RPH3A: variants seen among roughly 807,000 people sequenced by gnomAD.
RPH3A encodes rabphilin-3A.
RPH3A carries 48 observed loss-of-function variants against 102.2 expected under a neutral mutation model. That is an observed-to-expected ratio of 0.47 (90% CI 0.37 to 0.60). RPH3A has a LOEUF of 0.60. Ranked by LOEUF, RPH3A falls within the 20% of genes least tolerant of loss-of-function variation. The pLI is 0.00. For missense variants in RPH3A, 781 were observed against 910.1 expected, an observed-to-expected ratio of 0.86 and a Z score of 1.83; for synonymous variants, 310 against 324.3, an observed-to-expected ratio of 0.96 and a Z score of 0.47.
chr12:112,791,185 G>C (rs1214038700), upstream of RPH3A: 1 of 152,142 alleles, frequency 6.6e-6, no homozygotes, highest in Non-Finnish European at 1.5e-5. Flanking sequence ...CCAGGTACAG[G>C]TCAAAAATCT....
chr12:112,737,348 G>A lies in RPH3A; in HGVS notation c.-139-54795G>A, dbSNP rs150734046. Among the ~76,000 whole-genome samples the A allele has an allele frequency of 8.9e-4, 136 of 152,040 alleles. 1 individual carries two copies. Among genetic ancestry groups the A allele is most frequent in the African/African-American group, 3.2e-3 (132 of 41,474 alleles). Reference sequence around the variant, plus strand: ...GCCTCAGTTTCCCCACTTGTAAAATGGGGATAATAATATGTACCTTATAGG... The same window carrying A: ...GCCTCAGTTTCCCCACTTGTAAAATAGGGATAATAATATGTACCTTATAGG... On this transcript the variant is annotated intron_variant, in intron 1 of 21. Transcript: ENST00000543106.
chr12:112,861,367 G>A (rs1156584312), intron 5 of RPH3A, among the ~76,000 whole-genome samples: 1 of 152,204 alleles, frequency 6.6e-6, no homozygotes, highest in Non-Finnish European at 1.5e-5. Flanking sequence ...GCAGTGAGAG[G>A]TAGATGGGCT....
At position 112,833,770 on chromosome 12, in the gene RPH3A, C is replaced by T. The variant is rs578103088; in HGVS notation, c.72-2721C>T. ...TTAAAGACAGTGTCTCACTGTGTCA[C>T]ATAGGCCGGAGTGCAATAGCACAAC... On this transcript the variant is annotated intron_variant, in intron 3 of 21. Transcript: ENST00000389385. Among the ~76,000 whole-genome samples, 17 of 150,640 alleles carry T rather than the reference C, an allele frequency of 1.1e-4. No homozygotes were observed. The East Asian group carries it at 3.3e-3, about 29-fold the overall frequency.
At chr12:112,802,835 T>A (rs112349316) in intron 2 of RPH3A, among the ~76,000 whole-genome samples, 1 of 151,636 alleles carries the variant, frequency 6.6e-6, no homozygotes, top group South Asian at 2.1e-4. Context: ...GCCTCTGTCC[T>A]CTCCCCAGGG....
intron 1 of RPH3A, among the ~76,000 whole-genome samples, chr12:112,630,524 T>G (rs1223071256): frequency 6.6e-6 from 1 of 152,118 alleles, no homozygotes; most frequent in Non-Finnish European, 1.5e-5. Context: ...TGCACCACAG[T>G]GTCTATCAAT....
chr12:112,884,950 T>C (rs910714832), intron 16 of RPH3A, among the ~76,000 whole-genome samples: 1 of 152,250 alleles, frequency 6.6e-6, no homozygotes, highest in Admixed American at 6.5e-5. Flanking sequence ...TTTTGTACTT[T>C]ATATAAATGA....
In RPH3A at chr12:112,877,419, TACACACACACACAC is replaced by T. The variant is rs3038114; in HGVS notation, c.1171+580_1171+593del. On this transcript the variant is annotated intron_variant, in intron 13 of 21. Transcript: ENST00000389385. ...ACACACGTATACACACACACACGTA[TACACACACACACAC>T]ACACACACACACACACACACACACA... 1.4e-3 allele frequency among the ~76,000 whole-genome samples: 205 copies of T among 141,656 alleles called. 7 individuals carry two copies. In the South Asian group the frequency reaches 0.038, roughly 26 times the overall value. 92.9% of individuals were successfully genotyped at this position (141,656 alleles called of 152,430 possible). A position where few individuals can be genotyped will look rare whatever the true frequency, so the allele number is the denominator to read the frequency against.
chr12:112,846,028 C>T (rs948168303), intron 4 of RPH3A, among the ~76,000 whole-genome samples: 8 of 152,020 alleles, frequency 5.3e-5, no homozygotes, highest in African/African-American at 1.9e-4. Context: ...AGCAGAGAGG[C>T]CAGTGCAGCT....
chr12:112,787,415 C>T (rs117342566), upstream of RPH3A, among the ~76,000 whole-genome samples: 52 of 152,288 alleles, frequency 3.4e-4, 1 homozygote, highest in East Asian at 8.3e-3. Context: ...CTCTTCCTGG[C>T]TGTGTTATCT....
At chr12:112,834,461 A>C (rs1227000508) in intron 3 of RPH3A, among the ~76,000 whole-genome samples, 1 of 152,202 alleles carries the variant, frequency 6.6e-6, no homozygotes, top group African/African-American at 2.4e-5. Flanking sequence ...GTAATTACCT[A>C]AGAGTGGAGT....
intron 1 of RPH3A, among the ~76,000 whole-genome samples, chr12:112,696,948 A>G (rs1414107062): frequency 6.6e-6 from 1 of 151,074 alleles, no homozygotes; most frequent in Non-Finnish European, 1.5e-5. Context: ...CTTATTCTTT[A>G]TAATATTAAT....
At chr12:112,804,597 C>T (rs2041421916) in intron 2 of RPH3A, among the ~76,000 whole-genome samples, 1 of 152,216 alleles carries the variant, frequency 6.6e-6, no homozygotes, top group Non-Finnish European at 1.5e-5. Context: ...TAGAGCACAA[C>T]AGTTAGGACT....
intron 1 of RPH3A, among the ~76,000 whole-genome samples, chr12:112,696,491 A>G (rs2040353304): frequency 6.6e-6 from 1 of 152,214 alleles, no homozygotes; most frequent in African/African-American, 2.4e-5. Context: ...ATACATAAGT[A>G]AGAATTATGG....
At chr12:112,768,975 C>A (rs542260477) in intron 1 of RPH3A, among the ~76,000 whole-genome samples, 2 of 152,260 alleles carry the variant, frequency 1.3e-5, no homozygotes, top group East Asian at 1.9e-4. Context: ...ACCCTATTCA[C>A]CTTCCCAGAT....
chr12:112,698,106 G>A (rs148083535), intron 1 of RPH3A, among the ~76,000 whole-genome samples: 66 of 152,108 alleles, frequency 4.3e-4, no homozygotes, highest in Non-Finnish European at 6.6e-4. Context: ...AAATAGACCC[G>A]CACATATTTA....
At chr12:112,724,434 T>A (rs2136044163) in intron 1 of RPH3A, among the ~76,000 whole-genome samples, 1 of 152,270 alleles carries the variant, frequency 6.6e-6, no homozygotes, top group Non-Finnish European at 1.5e-5. Flanking sequence ...CTCCAAAAAA[T>A]TTTTCCAATA....
intron 1 of RPH3A, among the ~76,000 whole-genome samples, chr12:112,769,188 A>G (rs916802505): frequency 1.3e-5 from 2 of 152,210 alleles, no homozygotes; most frequent in Non-Finnish European, 2.9e-5. Flanking sequence ...GAGACTTTCA[A>G]TCTTTTCATT....
chr12:112,614,521 TAA>T (rs749815704), intron 1 of RPH3A, among the ~76,000 whole-genome samples: 32 of 131,670 alleles, frequency 2.4e-4, no homozygotes, highest in African/African-American at 5.0e-4. Context: ...CTGTCTCTAT[TAA>T]AAAAAAAAAA....
rs560444704 is a variant in RPH3A at position 112,714,632 on chromosome 12, TC to T, written c.-139-77510del. On this transcript the variant is annotated intron_variant, in intron 1 of 21. Transcript: ENST00000543106. ...TGTTATTTTCAAGTATAGGATTTTCTCTTTCCGTCTTTCCTGGGCAGTAAAG... is the reference window on the plus strand; with the variant it reads ...TGTTATTTTCAAGTATAGGATTTTCTTTTCCGTCTTTCCTGGGCAGTAAAG... Among the ~76,000 whole-genome samples the T allele has an allele frequency of 3.3e-5, 5 of 152,348 alleles. No homozygotes were observed. The South Asian group carries it at 1.0e-3, about 32-fold the overall frequency.
Sources: gnomAD v4.1 joint callset for allele counts (sites outside exome capture counted in the v4.1 genomes callset) on GRCh38, gnomAD v4.1.1 for gene constraint, MANE v1.5 for transcripts, NCBI Gene and HGNC (gene_info 2026-07-23, HGNC 2026-07-21) for gene names.